CEP85L: variants seen among roughly 807,000 people sequenced by gnomAD.
CEP85L encodes centrosomal protein 85L.
CEP85L carries 60 observed loss-of-function variants against 100.3 expected under a neutral mutation model. The observed-to-expected ratio is 0.60, with a 90% CI of 0.49 to 0.74. The LOEUF (loss-of-function observed/expected upper bound fraction) is 0.74. Ranked by LOEUF, CEP85L falls within the 30% of genes least tolerant of loss-of-function variation. The pLI is 0.00. For synonymous variants in CEP85L, 319 were observed against 322.7 expected (o/e 0.99, Z 0.12); for missense variants, 973 against 936.2 (o/e 1.04, Z -0.51).
chr6:118,504,749 T>C (rs533763394), intron 5 of CEP85L, among the ~76,000 whole-genome samples: 2 of 152,276 alleles, frequency 1.3e-5, no homozygotes, highest in South Asian at 4.1e-4. Flanking sequence ...AGGGCAGTCT[T>C]GTGGTAGTGA....
rs1775562432 is a variant in CEP85L at position 118,651,542 on chromosome 6, C to A, written c.-273G>T. On this transcript the variant is annotated 5_prime_UTR_variant, in exon 1 of 13. Coordinates refer to ENST00000368491, the MANE Select transcript of CEP85L (RefSeq NM_001042475.3). ...GCGGTGACGGCTGCTAGATCCCCGG[C>A]TGAGCCCAGGCTCAAAGGCTCCAGG... is the stretch of plus-strand genomic sequence containing the variant. 8.0e-7 allele frequency: 1 copy of A among 1,252,132 alleles called. No individual in the cohort carries two copies. The highest frequency in any genetic ancestry group is 2.6e-5 in the South Asian group (1 of 37,960). The allele number at this position is 1,252,132 out of a possible 1,614,324, so 77.6% of individuals were successfully genotyped here.
chr6:118,632,929 T>C lies in CEP85L; in HGVS notation c.74-318A>G, dbSNP rs573113026. Among the ~76,000 whole-genome samples, 25 of 152,334 alleles carry C rather than the reference T, an allele frequency of 1.6e-4. No homozygotes were observed. The South Asian group carries it at 5.2e-3, about 32-fold the overall frequency. The stretch of plus-strand genomic sequence containing the variant: ...ATCTTCAAATGTCAGTACTCTGCTC[T>C]AGAATAATTGATAGGTGGCATCTGT... On this transcript the variant is annotated intron_variant, in intron 1 of 12. Transcript: ENST00000368491.
At chr6:118,534,707 T>C (rs147291755) in intron 3 of CEP85L, among the ~76,000 whole-genome samples, 11 of 151,580 alleles carry the variant, frequency 7.3e-5, no homozygotes, top group Middle Eastern at 3.4e-3. Context: ...AAATGGGAAA[T>C]TGAATTTGGT....
chr6:118,689,549 G>C (rs1296007890), intron 1 of CEP85L, among the ~76,000 whole-genome samples: 3 of 152,296 alleles, frequency 2.0e-5, no homozygotes, highest in Admixed American at 2.0e-4. Context: ...TAGATTTGCT[G>C]TGGAATGAGA....
intron 1 of CEP85L, among the ~76,000 whole-genome samples, chr6:118,704,898 T>C (rs1223270858): frequency 1.3e-5 from 2 of 152,214 alleles, no homozygotes; most frequent in East Asian, 3.8e-4. Context: ...TCAGTGGCTT[T>C]TTTTTCCATT....
intron 3 of CEP85L, among the ~76,000 whole-genome samples, chr6:118,544,944 C>T (rs6904344): frequency 0.029 from 4,391 of 152,120 alleles, 107 homozygotes; most frequent in African/African-American, 0.056. Flanking sequence ...CCAGTCCTTC[C>T]CTACGTAGCT....
chr6:118,709,406 GC>G (rs1777708287), intron 1 of CEP85L, among the ~76,000 whole-genome samples: 1 of 152,126 alleles, frequency 6.6e-6, no homozygotes, highest in Non-Finnish European at 1.5e-5. Context: ...ACACATGCTG[GC>G]ATTTCTCAGC....
chr6:118,562,362 A>AT (rs940882730), intron 3 of CEP85L, among the ~76,000 whole-genome samples: 32 of 147,966 alleles, frequency 2.2e-4, no homozygotes, highest in Non-Finnish European at 2.3e-4. Flanking sequence ...CATTTTATCA[A>AT]TTTTTTTTTT....
chr6:118,514,228 G>C (rs529992999), intron 4 of CEP85L, among the ~76,000 whole-genome samples: 1 of 152,070 alleles, frequency 6.6e-6, no homozygotes, highest in Non-Finnish European at 1.5e-5. Context: ...GGGACAATAA[G>C]AAAACAAATA....
Position 118,465,022 on chromosome 6 carries a change from T to C in CEP85L, c.*383A>G, listed in dbSNP as rs1192372462. On this transcript the variant is annotated 3_prime_UTR_variant, in exon 13 of 13. Transcript: ENST00000368491. ...CTAGAAACCCTTATAAATTTGTGAA[T>C]AAAGCACGTGCACACACACACAACA... is the stretch of plus-strand genomic sequence containing the variant. 1 of 156,900 alleles carries C rather than the reference T, an allele frequency of 6.4e-6. No homozygotes were observed. The highest frequency in any genetic ancestry group is 1.4e-5 in the Non-Finnish European group (1 of 71,218). 9.7% of individuals were successfully genotyped at this position (156,900 alleles called of 1,614,324 possible). A position where few individuals can be genotyped will look rare whatever the true frequency, so the allele number is the denominator to read the frequency against.
chr6:118,571,206 G>A (rs1468663248), intron 2 of CEP85L, among the ~76,000 whole-genome samples: 1 of 152,128 alleles, frequency 6.6e-6, no homozygotes, highest in East Asian at 1.9e-4. Flanking sequence ...TAGATATAAT[G>A]CAATTCCTAA....
chr6:118,626,644 T>C (rs1357678677), intron 2 of CEP85L, among the ~76,000 whole-genome samples: 1 of 152,114 alleles, frequency 6.6e-6, no homozygotes, highest in African/African-American at 2.4e-5. Context: ...TGGCAACCCA[T>C]TTGGGACCCC....
intron 3 of CEP85L, among the ~76,000 whole-genome samples, chr6:118,562,104 TTAAC>T (rs1487529310): frequency 4.6e-5 from 7 of 152,188 alleles, no homozygotes; most frequent in Admixed American, 6.5e-5. Context: ...AAAGTCCTCT[TTAAC>T]TACCTAATGA....
intron 10 of CEP85L, among the ~76,000 whole-genome samples, chr6:118,470,988 G>A (rs754229850): frequency 6.6e-6 from 1 of 152,042 alleles, no homozygotes; most frequent in African/African-American, 2.4e-5. Flanking sequence ...CTTTTTATAT[G>A]TAGAGAGTGT....
intron 2 of CEP85L, among the ~76,000 whole-genome samples, chr6:118,622,502 C>G (rs936322342): frequency 6.6e-6 from 1 of 152,200 alleles, no homozygotes; most frequent in African/African-American, 2.4e-5. Flanking sequence ...GTACAAAGGG[C>G]AGGCTATGCC....
In CEP85L at chr6:118,502,227, T is replaced by C. The variant is rs185846165; in HGVS notation, c.1257+9071A>G. On this transcript the variant is annotated intron_variant, in intron 5 of 12. Transcript: ENST00000368491. ...TGAATTATGGACCCTGGAGTTCTTA[T>C]GTACCGCATTATGACTCCACATTTA... is the stretch of plus-strand genomic sequence containing the variant. The C allele has an allele frequency of 2.4e-4, 160 of 663,840 alleles. 1 individual carries two copies. In the African/African-American group the frequency reaches 2.6e-3, roughly 11 times the overall value. The allele number at this position is 663,840 out of a possible 1,614,324, so 41.1% of individuals were successfully genotyped here.
At chr6:118,672,764 T>G (rs1776348685) in intron 1 of CEP85L, among the ~76,000 whole-genome samples, 1 of 145,554 alleles carries the variant, frequency 6.9e-6, no homozygotes, top group Non-Finnish European at 1.5e-5. Context: ...AGATCCTGTC[T>G]CAGAAGAAGA....
chr6:118,618,970 T>C (rs552647401), intron 2 of CEP85L, among the ~76,000 whole-genome samples: 2 of 152,106 alleles, frequency 1.3e-5, no homozygotes, highest in Admixed American at 6.5e-5. Flanking sequence ...TAGTGGTCAA[T>C]GGGTGCACGG....
At position 118,566,181 on chromosome 6, in the gene CEP85L, G is replaced by A; in HGVS notation, c.368C>T (p.Ser123Leu). ...KLRESLTPDG[S>L]KWSTSLMQTL... is the part of the protein sequence containing the mutation. ...TTGCATGAGGCTTGTACTCCATTTT[G>A]AGCCATCTGGTGTCAATGATTCCCT... Residue 123 changes from serine to leucine, a missense_variant, in exon 3 of 13, where the codon TCA becomes TTA. Coordinates refer to ENST00000368491, the MANE Select transcript of CEP85L (RefSeq NM_001042475.3). 6.2e-7 allele frequency: 1 copy of A among 1,614,154 alleles called. No homozygotes were observed. The highest frequency in any genetic ancestry group is 1.1e-5 in the South Asian group (1 of 91,080).
Sources: gnomAD v4.1 joint callset for allele counts (sites outside exome capture counted in the v4.1 genomes callset) on GRCh38, gnomAD v4.1.1 for gene constraint, MANE v1.5 for transcripts, NCBI Gene and HGNC (gene_info 2026-07-23, HGNC 2026-07-21) for gene names.